Variants in PCSK2 observed in about 807,000 individuals in gnomAD.
The protein encoded by PCSK2 is proprotein convertase subtilisin/kexin type 2, also known as neuroendocrine convertase 2.
In PCSK2, 14 loss-of-function variants were observed where a neutral mutation model predicts 69.7. The ratio of observed to expected loss-of-function variants is 0.20; its 90% CI spans 0.13 to 0.31. The LOEUF (loss-of-function observed/expected upper bound fraction) is 0.31. Ranked by LOEUF, PCSK2 falls within the 10% of genes least tolerant of loss-of-function variation. PCSK2 has a pLI of 1.00. For missense variants in PCSK2, 544 were observed against 842.5 expected, an observed-to-expected ratio of 0.65 and a Z score of 4.39; for synonymous variants, 307 against 320.7, an observed-to-expected ratio of 0.96 and a Z score of 0.46.
At chr20:17,230,947 C>T (rs1986124746) in intron 1 of PCSK2, among the ~76,000 whole-genome samples, 1 of 152,172 alleles carries the variant, frequency 6.6e-6, no homozygotes, top group Non-Finnish European at 1.5e-5. Context: ...AGAAAAGATA[C>T]TTAAGTCTAG....
At chr20:17,276,245 T>C (rs1475481821) in intron 2 of PCSK2, among the ~76,000 whole-genome samples, 1 of 152,158 alleles carries the variant, frequency 6.6e-6, no homozygotes, top group African/African-American at 2.4e-5. Flanking sequence ...GCAAGCCTTA[T>C]AATTAAAAAC....
intron 5 of PCSK2, among the ~76,000 whole-genome samples, chr20:17,391,944 G>GGAAGGAAGGAAGGAAGGAAGGAAT (rs1309400584): frequency 1.0e-4 from 15 of 147,084 alleles, no homozygotes; most frequent in Non-Finnish European, 1.0e-4. Flanking sequence ...AAGGAAGGAA[G>GGAAGGAAGGAAGGAAGGAAGGAAT]GAAGGGGAAG....
At chr20:17,226,651 T>A (rs1335343207), upstream of PCSK2, among the ~76,000 whole-genome samples, 1 of 151,800 alleles carries the variant, frequency 6.6e-6, no homozygotes. Context: ...CGTAATTCCC[T>A]TCCCAGAGCC....
At chr20:17,423,581 T>C (rs141344871) in intron 6 of PCSK2, among the ~76,000 whole-genome samples, 7 of 152,166 alleles carry the variant, frequency 4.6e-5, no homozygotes, top group African/African-American at 1.7e-4. Flanking sequence ...CTTAAGCCAC[T>C]AAACCACATG....
chr20:17,422,413 AG>A (rs1275364040), intron 6 of PCSK2, among the ~76,000 whole-genome samples: 4 of 152,248 alleles, frequency 2.6e-5, no homozygotes, highest in Non-Finnish European at 4.4e-5. Context: ...AAAAGAATAA[AG>A]GAGTCCTAAA....
intron 7 of PCSK2, among the ~76,000 whole-genome samples, chr20:17,430,134 G>A (rs937066516): frequency 3.9e-5 from 6 of 152,056 alleles, no homozygotes; most frequent in Non-Finnish European, 7.4e-5. Context: ...GGATATTTAA[G>A]AATTTCCTAT....
At chr20:17,325,762 C>A (rs1990028126) in intron 2 of PCSK2, among the ~76,000 whole-genome samples, 1 of 152,242 alleles carries the variant, frequency 6.6e-6, no homozygotes, top group Non-Finnish European at 1.5e-5. Context: ...ATGTTCTTCT[C>A]AAGCCACCAG....
intron 2 of PCSK2, among the ~76,000 whole-genome samples, chr20:17,350,282 C>A (rs982523548): frequency 1.3e-5 from 2 of 151,084 alleles, no homozygotes; most frequent in African/African-American, 2.4e-5. Flanking sequence ...TAAAATAATT[C>A]TCAGTGGCAC....
At chr20:17,260,053 C>T (rs1338725374) in intron 1 of PCSK2, among the ~76,000 whole-genome samples, 187 bp from the exon 2 acceptor site, 1 of 152,000 alleles carries the variant, frequency 6.6e-6, no homozygotes, top group Non-Finnish European at 1.5e-5. Flanking sequence ...TGAACAAAGG[C>T]AAGGAGAAGA....
intron 2 of PCSK2, among the ~76,000 whole-genome samples, chr20:17,311,887 G>T (rs1460343022): frequency 6.6e-6 from 1 of 152,032 alleles, no homozygotes; most frequent in African/African-American, 2.4e-5. Context: ...TACTCTAAAT[G>T]CCATTAGACC....
chr20:17,447,101 AT>A (rs202227047), intron 8 of PCSK2, among the ~76,000 whole-genome samples: 34,398 of 148,308 alleles, frequency 0.23, 4,234 homozygotes, highest in African/African-American at 0.34. Context: ...ACTAAAAAAA[AT>A]AAATAAAGAA....
chr20:17,259,537 C>T (rs1002678176), intron 1 of PCSK2, among the ~76,000 whole-genome samples: 2 of 152,178 alleles, frequency 1.3e-5, no homozygotes, highest in Non-Finnish European at 1.5e-5. Flanking sequence ...CACCAAGTTA[C>T]CTTGAATCAT....
intron 2 of PCSK2, among the ~76,000 whole-genome samples, chr20:17,354,915 T>C (rs2030141810): frequency 6.6e-6 from 1 of 152,132 alleles, no homozygotes; most frequent in African/African-American, 2.4e-5. Flanking sequence ...AAAAAAGTTT[T>C]CCAGTTATTT....
At chr20:17,301,557 A>G (rs953754108) in intron 2 of PCSK2, among the ~76,000 whole-genome samples, 2 of 152,206 alleles carry the variant, frequency 1.3e-5, no homozygotes, top group African/African-American at 4.8e-5. Flanking sequence ...TTTTTTGGAT[A>G]GTCTTCTTGG....
rs1388783932 is a variant in PCSK2, at chr20:17,481,829, C to T, written c.1676C>T (p.Thr559Met). Reference sequence around the variant, plus strand: ...AAGTGGCCTTTCATGACCACTCACACGTGGGGGGAAGACGCCCGAGGCACC... The same window carrying T: ...AAGTGGCCTTTCATGACCACTCACATGTGGGGGGAAGACGCCCGAGGCACC... ...FDKWPFMTTHTWGEDARGTWT... is the reference protein window; with the variant it reads ...FDKWPFMTTHMWGEDARGTWT... Residue 559 changes from threonine (T) to methionine (M), a missense_variant, in exon 12 of 12, where the codon ACG becomes ATG. Physicochemically the swap from Thr to Met is moderately conservative, Grantham distance 81 (BLOSUM62 -1). This residue lies in a region of PCSK2 where 200 missense variants were observed against 287.8 expected (regional missense o/e 0.69). Transcript: ENST00000262545. The T allele has an allele frequency of 6.2e-7, 1 of 1,614,136 alleles. No individual in the cohort carries two copies.
intron 5 of PCSK2, among the ~76,000 whole-genome samples, chr20:17,401,997 A>C (rs1600550664): frequency 6.6e-6 from 1 of 152,288 alleles, no homozygotes; most frequent in Non-Finnish European, 1.5e-5. Context: ...CATGTGTGGG[A>C]ATCAGCCTCC....
intron 3 of PCSK2, among the ~76,000 whole-genome samples, chr20:17,358,679 C>CT (rs2030289573): frequency 6.6e-6 from 1 of 152,184 alleles, no homozygotes; most frequent in Admixed American, 6.5e-5. Context: ...TGACCAACAA[C>CT]TAGTGGAATT....
intron 11 of PCSK2, among the ~76,000 whole-genome samples, chr20:17,472,465 C>T (rs959247851): frequency 5.9e-5 from 9 of 152,212 alleles, no homozygotes; most frequent in Admixed American, 4.6e-4. Flanking sequence ...TGCTGCGTGT[C>T]GTCATGTGAC....
intron 2 of PCSK2, among the ~76,000 whole-genome samples, chr20:17,347,792 GAA>G (rs1568611910): frequency 1.6e-4 from 4 of 25,034 alleles, no homozygotes; most frequent in Non-Finnish European, 3.6e-4. Flanking sequence ...ATAGACGAAA[GAA>G]AGAAAGAAAG....
Sources: allele counts gnomAD v4.1 joint callset (sites outside exome capture counted in the v4.1 genomes callset), GRCh38; gene constraint gnomAD v4.1.1; regional missense constraint gnomAD v4.1.1; transcripts MANE v1.5; gene names NCBI Gene and HGNC (gene_info 2026-07-23, HGNC 2026-07-21).